TRIM27: variants seen among roughly 807,000 people sequenced by gnomAD.
TRIM27 encodes zinc finger protein RFP.
TRIM27 carries 12 observed loss-of-function variants against 57.6 expected under a neutral mutation model. That is an observed-to-expected ratio of 0.21 (90% CI 0.13 to 0.34). The LOEUF is 0.34. TRIM27 is among the 10% of genes least tolerant of loss of function. The pLI is 1.00. For missense variants in TRIM27, 403 were observed against 656.8 expected (o/e 0.61, Z 4.22); for synonymous variants, 266 against 259.0 (o/e 1.03, Z -0.26).
At chr6:28,907,916 G>A in intron 6 of TRIM27, 1 of 224,780 alleles carries the variant, frequency 4.4e-6, no homozygotes, top group South Asian at 9.3e-5. Context: ...GTATATATCT[G>A]AATAGATGCA....
rs1489910784 is a variant in TRIM27, at chr6:28,904,435, A to G, written c.1177T>C (p.Cys393Arg). ...WTIGVCEDSV[C>R]RKGGVTSAPQ... is the part of the protein sequence containing the mutation. Reference sequence around the variant, plus strand: ...GCTGAGGTTACTCCACCTTTTCTGCACACTGAGTCTTCACAGACACCTATG... The same window carrying G: ...GCTGAGGTTACTCCACCTTTTCTGCGCACTGAGTCTTCACAGACACCTATG... Residue 393 changes from cysteine (C) to arginine (R), a missense_variant, in exon 8 of 8, where the codon TGC (cysteine) becomes CGC (arginine). Transcript: ENST00000377199. This position sits in a 1 kb window ranked among gnomAD's most constrained non-coding sequence, Gnocchi z 6.1. 8 of 1,612,960 alleles carry G rather than the reference A, an allele frequency of 5.0e-6. No individual in the cohort carries two copies. Among genetic ancestry groups the G allele is most frequent in the Non-Finnish European group, 5.9e-6 (7 of 1,180,028 alleles).
At chr6:28,910,162 T>C (rs1773091769) in intron 4 of TRIM27, among the ~76,000 whole-genome samples, 1 of 136,342 alleles carries the variant, frequency 7.3e-6, no homozygotes, top group African/African-American at 2.7e-5. Context: ...AAAAAGGTAA[T>C]GTGATGCGAC....
At position 28,923,951 on chromosome 6, in the gene TRIM27, C is replaced by A. The variant is rs1774281640; in HGVS notation, c.-319G>T. 2.7e-6 allele frequency: 1 copy of A among 365,378 alleles called. No individual in the cohort carries two copies. The allele number at this position is 365,378 out of a possible 1,614,324, so 22.6% of individuals were successfully genotyped here. A position where few individuals can be genotyped will look rare whatever the true frequency, so the allele number is the denominator to read the frequency against. On this transcript the variant is annotated 5_prime_UTR_variant, in exon 1 of 8. Transcript: ENST00000377199. ...CAGGCGGGCAAAGCGCGCAAGACAA[C>A]GTGGCCGCGTCCGAGCGGATGCCGG...
intron 3 of TRIM27, among the ~76,000 whole-genome samples, chr6:28,916,170 C>T (rs1773587295): frequency 6.6e-6 from 1 of 152,100 alleles, no homozygotes; most frequent in Non-Finnish European, 1.5e-5. Context: ...CCACCTTGGC[C>T]TCCTGAAGTG....
chr6:28,904,757 A>C lies in TRIM27; in HGVS notation c.947-92T>G, dbSNP rs1772640698. 1.2e-6 allele frequency: 1 copy of C among 848,682 alleles called. No homozygotes were observed. Among genetic ancestry groups the C allele is most frequent in the Non-Finnish European group, 1.8e-6 (1 of 561,294 alleles). 52.6% of individuals were successfully genotyped at this position (848,682 alleles called of 1,614,324 possible). A position where few individuals can be genotyped will look rare whatever the true frequency, so the allele number is the denominator to read the frequency against. ...TTTCTACTACCTCCCCAATAATAAG[A>C]GGTTCCCACTGGAGGTTGCACGTAT... On this transcript the variant is annotated intron_variant, in intron 7 of 7. Coordinates refer to ENST00000377199, the MANE Select transcript of TRIM27 (RefSeq NM_006510.5). This position sits in a 1 kb window ranked among gnomAD's most constrained non-coding sequence, Gnocchi z 6.1.
chr6:28,922,308 G>A (rs971438752), intron 1 of TRIM27, among the ~76,000 whole-genome samples: 1 of 152,210 alleles, frequency 6.6e-6, no homozygotes, highest in Middle Eastern at 3.2e-3. Context: ...TGTGACTGGA[G>A]TAGGAGGCTT....
At chr6:28,906,923 G>C (rs1457461265) in intron 7 of TRIM27, 1 of 291,128 alleles carries the variant, frequency 3.4e-6, no homozygotes, top group East Asian at 6.3e-5. Flanking sequence ...CCTGAAGCTG[G>C]GCGGGCAGAG....
intron 1 of TRIM27, 89 bp downstream of exon 1, chr6:28,923,124 A>C: frequency 7.2e-7 from 1 of 1,397,788 alleles, no homozygotes; most frequent in Non-Finnish European, 9.5e-7. Context: ...CGGCTCAGCC[A>C]TTTTCTAGGC....
At chr6:28,917,975 T>C (rs3131100) in intron 3 of TRIM27, among the ~76,000 whole-genome samples, 92,721 of 151,650 alleles carry the variant, frequency 0.61, 30,358 homozygotes, top group African/African-American at 0.85. Flanking sequence ...TACAAGCATG[T>C]GCCACCACAC....
rs537060639 is a variant in TRIM27 at position 28,923,493 on chromosome 6, G to A, written c.140C>T (p.Ala47Val). 3 of 1,612,120 alleles carry A rather than the reference G, an allele frequency of 1.9e-6. No homozygotes were observed. The South Asian group carries it at 3.3e-5, about 18-fold the overall frequency. The change falls in exon 1 of 8, where the codon GCA (alanine) becomes GTA (valine). Residue 47 changes from alanine (A) to valine (V), a missense_variant. By Grantham distance (64) the Ala-to-Val change is moderately conservative. Transcript: ENST00000377199. ...CTGCGGGCACGACACGTTAGTCTCTGCCGTGCCCCAGCAGCGGGCGAGGCA... is the reference window on the plus strand; with the variant it reads ...CTGCGGGCACGACACGTTAGTCTCTACCGTGCCCCAGCAGCGGGCGAGGCA... ...CACLARCWGTAETNVSCPQCR... is the reference protein window; with the variant it reads ...CACLARCWGTVETNVSCPQCR...
chr6:28,907,310 GA>G (rs1372303130), intron 6 of TRIM27, 48 bp from the exon 7 acceptor site: 1 of 1,583,120 alleles, frequency 6.3e-7, no homozygotes, highest in East Asian at 2.2e-5. Context: ...GGGTTTCCAG[GA>G]AATACATAAC....
intron 7 of TRIM27, chr6:28,906,440 C>G (rs1397543954): frequency 6.6e-6 from 1 of 152,134 alleles, no homozygotes; most frequent in Non-Finnish European, 1.5e-5. Flanking sequence ...CAGCTGCCTA[C>G]CTTCTTCTTG....
chr6:28,921,785 C>A, intron 2 of TRIM27, 107 bp downstream of exon 2: 2 of 887,600 alleles, frequency 2.3e-6, no homozygotes, highest in South Asian at 2.9e-5. Context: ...TCCACCTCTA[C>A]CTACAAGTTC....
At chr6:28,909,184 C>G in intron 4 of TRIM27, 96 bp from the exon 5 acceptor site, 1 of 821,310 alleles carries the variant, frequency 1.2e-6, no homozygotes, top group East Asian at 2.6e-5. Flanking sequence ...CTCGGCCCAC[C>G]GCAACCTCTG....
intron 4 of TRIM27, among the ~76,000 whole-genome samples, chr6:28,909,775 TG>T (rs1275052185): frequency 6.6e-6 from 1 of 152,106 alleles, no homozygotes; most frequent in Non-Finnish European, 1.5e-5. Flanking sequence ...AAAGGCACTG[TG>T]GGGGACATTA....
At chr6:28,913,851 T>A (rs569776398) in intron 3 of TRIM27, among the ~76,000 whole-genome samples, 8 of 151,890 alleles carry the variant, frequency 5.3e-5, no homozygotes, top group African/African-American at 1.9e-4. Flanking sequence ...TTTGTGATAT[T>A]TGTGGCAAAT....
chr6:28,917,636 T>A (rs947614033), intron 3 of TRIM27, among the ~76,000 whole-genome samples: 9 of 151,472 alleles, frequency 5.9e-5, no homozygotes, highest in African/African-American at 2.2e-4. Context: ...TATAAATAGA[T>A]GTTCACTGAC....
At chr6:28,918,215 C>T (rs1295658729) in intron 3 of TRIM27, among the ~76,000 whole-genome samples, 2 of 152,194 alleles carry the variant, frequency 1.3e-5, no homozygotes, top group African/African-American at 2.4e-5. Flanking sequence ...GAAAATATGT[C>T]TAACTTCTAG....
At chr6:28,915,912 A>G (rs1455039162) in intron 3 of TRIM27, among the ~76,000 whole-genome samples, 1 of 151,988 alleles carries the variant, frequency 6.6e-6, no homozygotes, top group African/African-American at 2.4e-5. Context: ...TGAAATATAT[A>G]TTTTTTCATA....
Sources: allele counts gnomAD v4.1 joint callset (sites outside exome capture counted in the v4.1 genomes callset), GRCh38; gene constraint gnomAD v4.1.1; non-coding constraint Gnocchi (gnomAD v3.1); transcripts MANE v1.5; gene names NCBI Gene and HGNC (gene_info 2026-07-23, HGNC 2026-07-21).